The following SLC49A4 variants were observed in gnomAD, a reference collection of about 807,000 sequenced individuals.
The protein encoded by SLC49A4 is solute carrier family 49 member 4.
SLC49A4 carries 36 observed loss-of-function variants against 50.6 expected under a neutral mutation model. The observed-to-expected ratio is 0.71, with a 90% CI of 0.55 to 0.94. The LOEUF is 0.94. SLC49A4 is among the 40% of genes least tolerant of loss of function. The probability of loss-of-function intolerance (pLI) is 0.00; values close to 1 mark genes in which losing one functional copy is unlikely to be tolerated. For synonymous variants in SLC49A4, 248 were observed against 241.2 expected, an observed-to-expected ratio of 1.03 and a Z score of -0.26; for missense variants, 503 against 605.7, an observed-to-expected ratio of 0.83 and a Z score of 1.78.
At chr3:122,806,417 G>A (rs147467922) in intron 1 of SLC49A4, among the ~76,000 whole-genome samples, 5 of 151,760 alleles carry the variant, frequency 3.3e-5, no homozygotes, top group East Asian at 1.9e-4. Context: ...TCACTCTGTC[G>A]CCCAGGCTGG....
intron 1 of SLC49A4, among the ~76,000 whole-genome samples, chr3:122,804,788 G>A (rs1170754228): frequency 6.6e-6 from 1 of 152,186 alleles, no homozygotes; most frequent in Non-Finnish European, 1.5e-5. Context: ...CCTGGCCACA[G>A]ATTGCTTTAA....
chr3:122,862,184 T>C (rs1937064951), intron 7 of SLC49A4, among the ~76,000 whole-genome samples: 1 of 152,230 alleles, frequency 6.6e-6, no homozygotes, highest in Non-Finnish European at 1.5e-5. Context: ...ATTATTTTTT[T>C]AATGGCTACT....
At chr3:122,817,010 A>G (rs919151054) in intron 2 of SLC49A4, among the ~76,000 whole-genome samples, 20 of 152,220 alleles carry the variant, frequency 1.3e-4, no homozygotes, top group Non-Finnish European at 2.4e-4. Context: ...TCTCTACCAC[A>G]GGCAAATTGG....
chr3:122,863,953 AT>A (rs1937085550), intron 7 of SLC49A4, among the ~76,000 whole-genome samples: 1 of 152,012 alleles, frequency 6.6e-6, no homozygotes, highest in Non-Finnish European at 1.5e-5. Flanking sequence ...CAGTGGTGCA[AT>A]TTCAGCTCAC....
At chr3:122,803,061 T>C (rs1936156918) in intron 1 of SLC49A4, among the ~76,000 whole-genome samples, 2 of 152,136 alleles carry the variant, frequency 1.3e-5, no homozygotes, top group Non-Finnish European at 2.9e-5. Flanking sequence ...TTTCCAAATT[T>C]AATGACTTCT....
At chr3:122,842,485 CAAAAAAAAA>C (rs34914829) in intron 4 of SLC49A4, among the ~76,000 whole-genome samples, 6 of 58,760 alleles carry the variant, frequency 1.0e-4, no homozygotes, top group Non-Finnish European at 8.7e-5. Flanking sequence ...GACTCCGTCT[CAAAAAAAAA>C]AAAAAAAAAA....
intron 1 of SLC49A4, among the ~76,000 whole-genome samples, chr3:122,796,781 G>C (rs1327713894): frequency 2.6e-5 from 4 of 152,216 alleles, no homozygotes; most frequent in Non-Finnish European, 5.9e-5. Flanking sequence ...ACGTTGGGAG[G>C]CTGGGGTGGG....
chr3:122,823,289 G>A lies in SLC49A4; in HGVS notation c.438-3511G>A, dbSNP rs1371672391. Among the ~76,000 whole-genome samples the A allele has an allele frequency of 2.0e-5, 3 of 152,194 alleles. No homozygotes were observed. The East Asian group carries it at 5.8e-4, about 29-fold the overall frequency. ...GGCAGCTGTTTGGAGGGGATAGTTG[G>A]AGCTTAGATGGAGTTGGACCTTCAG... is the stretch of plus-strand genomic sequence containing the variant. On this transcript the variant is annotated intron_variant, in intron 2 of 8. Transcript: ENST00000261038.
chr3:122,856,294 T>C lies in SLC49A4; in HGVS notation c.943-13T>C, dbSNP rs1306690097. The C allele has an allele frequency of 1.2e-6, 2 of 1,613,680 alleles. No individual in the cohort carries two copies. Among genetic ancestry groups the C allele is most frequent in the East Asian group, 4.5e-5 (2 of 44,858 alleles). Reference sequence around the variant, plus strand: ...TTGTCTTGTATTAAATGTGTCTGCTTCTTTCTTAACAGGTAGATGCTGGCT... The same window carrying C: ...TTGTCTTGTATTAAATGTGTCTGCTCCTTTCTTAACAGGTAGATGCTGGCT... On this transcript the variant is annotated splice_polypyrimidine_tract_variant and intron_variant, in intron 5 of 8. Coordinates refer to ENST00000261038, the MANE Select transcript of SLC49A4 (RefSeq NM_032839.3).
chr3:122,834,022 C>G (rs545971816), intron 4 of SLC49A4, among the ~76,000 whole-genome samples: 99 of 152,232 alleles, frequency 6.5e-4, no homozygotes, highest in African/African-American at 2.2e-3. Context: ...CTCTTGAAGG[C>G]TCAAATGCCC....
chr3:122,795,349 C>CTGG lies in SLC49A4; in HGVS notation c.160_162dup (p.Val54dup), dbSNP rs750865790. The stretch of plus-strand genomic sequence containing the variant: ...CGGGCGGGTATACGGGCGCCGCTGG[C>CTGG]TGGTGCTGCTGCTCTTCTCGCTGCT... On this transcript the variant is annotated inframe_insertion, in exon 1 of 9. Coordinates refer to ENST00000261038, the MANE Select transcript of SLC49A4 (RefSeq NM_032839.3). 6.4e-7 allele frequency: 1 copy of CTGG among 1,572,794 alleles called. No individual in the cohort carries two copies. The highest frequency in any genetic ancestry group is 8.6e-7 in the Non-Finnish European group (1 of 1,166,702).
intron 3 of SLC49A4, among the ~76,000 whole-genome samples, chr3:122,831,966 C>CAA (rs564682072): frequency 8.3e-4 from 109 of 130,918 alleles, no homozygotes; most frequent in African/African-American, 1.7e-3. Context: ...CTGAAAACAC[C>CAA]AAAAAAAAAA....
chr3:122,831,497 G>A (rs1237917676), intron 3 of SLC49A4, among the ~76,000 whole-genome samples: 1 of 152,084 alleles, frequency 6.6e-6, no homozygotes, highest in African/African-American at 2.4e-5. Context: ...ATTATGCAAA[G>A]TGAAAGAAGC....
At chr3:122,865,363 A>AT (rs1937104559) in intron 7 of SLC49A4, among the ~76,000 whole-genome samples, 1 of 152,210 alleles carries the variant, frequency 6.6e-6, no homozygotes, top group Non-Finnish European at 1.5e-5. Context: ...CCATGATTTA[A>AT]TAGTACCTTA....
At chr3:122,864,644 C>T (rs781458364) in intron 7 of SLC49A4, among the ~76,000 whole-genome samples, 5 of 152,030 alleles carry the variant, frequency 3.3e-5, no homozygotes, top group Non-Finnish European at 7.4e-5. Flanking sequence ...TAGACAGAAG[C>T]CCCCAGGGAG....
chr3:122,819,386 A>G (rs1290884457), intron 2 of SLC49A4, among the ~76,000 whole-genome samples: 2 of 152,158 alleles, frequency 1.3e-5, no homozygotes, highest in Non-Finnish European at 2.9e-5. Context: ...TAGCTAATCT[A>G]ATATTATTTT....
chr3:122,851,141 A>G (rs1187421602), intron 5 of SLC49A4, among the ~76,000 whole-genome samples: 2 of 152,228 alleles, frequency 1.3e-5, no homozygotes. Flanking sequence ...TTACTGTCAT[A>G]TATTTTAACT....
intron 3 of SLC49A4, among the ~76,000 whole-genome samples, chr3:122,828,674 A>G (rs1339324071): frequency 1.3e-5 from 2 of 152,210 alleles, no homozygotes; most frequent in Non-Finnish European, 2.9e-5. Flanking sequence ...TTACATTTCA[A>G]AATATGGTTT....
At chr3:122,813,982 A>G (rs9841111) in intron 2 of SLC49A4, among the ~76,000 whole-genome samples, 1 of 152,182 alleles carries the variant, frequency 6.6e-6, no homozygotes, top group Non-Finnish European at 1.5e-5. Flanking sequence ...TTTCCCAAGC[A>G]TAAAAACAAT....
Sources: gnomAD v4.1 joint callset for allele counts (sites outside exome capture counted in the v4.1 genomes callset) on GRCh38, gnomAD v4.1.1 for gene constraint, MANE v1.5 for transcripts, NCBI Gene and HGNC (gene_info 2026-07-23, HGNC 2026-07-21) for gene names.